The following ERCC6 variants were observed in gnomAD, a reference collection of about 807,000 sequenced individuals.
ERCC6 encodes DNA excision repair protein ERCC-6.
A neutral mutation model predicts 158.7 loss-of-function variants in ERCC6; 116 were observed. The ratio of observed to expected loss-of-function variants is 0.73; its 90% CI spans 0.63 to 0.85. The LOEUF is 0.85. ERCC6 is among the 40% of genes least tolerant of loss of function. The pLI, the probability that ERCC6 is intolerant of heterozygous loss-of-function variation, is 0.00. For missense variants in ERCC6, 1,698 were observed against 1,799.4 expected (o/e 0.94, Z 1.02); for synonymous variants, 678 against 659.3 (o/e 1.03, Z -0.43).
At chr10:49,495,845 C>T (rs1851258050) in intron 7 of ERCC6, among the ~76,000 whole-genome samples, 1 of 152,220 alleles carries the variant, frequency 6.6e-6, no homozygotes, top group South Asian at 2.1e-4. Context: ...CCACTCTCCT[C>T]TCTCATCTGG....
At chr10:49,515,744 G>A in intron 5 of ERCC6, 2 of 1,614,098 alleles carry the variant, frequency 1.2e-6, no homozygotes, top group South Asian at 2.2e-5. Flanking sequence ...CCATGAACTG[G>A]TTATACACTT....
chr10:49,454,311 AG>A (rs1192347015), downstream of ERCC6, among the ~76,000 whole-genome samples: 32 of 152,162 alleles, frequency 2.1e-4, 1 homozygote, highest in Admixed American at 1.8e-3. Context: ...GGAGGGGATA[AG>A]AAATGCTGGC....
intron 14 of ERCC6, 87 bp from the exon 15 acceptor site, chr10:49,473,115 A>T (rs1278090714): frequency 6.3e-7 from 1 of 1,578,902 alleles, no homozygotes; most frequent in Non-Finnish European, 8.7e-7. Context: ...GTACACATGG[A>T]ATTACTGGGC....
intron 7 of ERCC6, among the ~76,000 whole-genome samples, chr10:49,497,860 TCTG>T (rs1851292731): frequency 6.6e-6 from 1 of 152,176 alleles, no homozygotes; most frequent in African/African-American, 2.4e-5. Context: ...AGGATGGAAA[TCTG>T]CTAGTCATAC....
chr10:49,435,106 T>C, the ERCC6 span, among the ~76,000 whole-genome samples: 1 of 152,206 alleles, frequency 6.6e-6, no homozygotes, highest in South Asian at 2.1e-4. Context: ...TATCATGTGA[T>C]CATGGGAACA....
chr10:49,495,131 T>C (rs926678980), intron 7 of ERCC6, among the ~76,000 whole-genome samples: 4 of 152,192 alleles, frequency 2.6e-5, no homozygotes, highest in African/African-American at 2.4e-5. Context: ...TGAGCTTGTA[T>C]CTCCACAAGC....
intron 12 of ERCC6, 123 bp downstream of exon 12, chr10:49,476,092 C>G: frequency 1.3e-6 from 1 of 753,412 alleles, no homozygotes; most frequent in Non-Finnish European, 2.3e-6. Context: ...TGCGGGACTT[C>G]ATGCAAGTGA....
intron 20 of ERCC6, among the ~76,000 whole-genome samples, 160 bp from the exon 21 acceptor site, chr10:49,459,394 G>C (rs1005921759): frequency 2.0e-5 from 3 of 152,100 alleles, no homozygotes; most frequent in Admixed American, 2.0e-4. Flanking sequence ...GGGAAAGGAG[G>C]AGGGTCTGGT....
chr10:49,454,136 A>T (rs910713477), downstream of ERCC6, among the ~76,000 whole-genome samples: 16 of 151,318 alleles, frequency 1.1e-4, no homozygotes, highest in East Asian at 7.8e-4. Context: ...CTCATTTTTC[A>T]TTTTTTTTCT....
At chr10:49,464,436 A>G (rs1166389679) in intron 18 of ERCC6, among the ~76,000 whole-genome samples, 1 of 152,340 alleles carries the variant, frequency 6.6e-6, no homozygotes, top group Middle Eastern at 3.4e-3. Context: ...TTACAATGTG[A>G]TAGGAAAGAA....
the ERCC6 span, among the ~76,000 whole-genome samples, chr10:49,440,712 G>C: frequency 2.0e-5 from 3 of 152,188 alleles, no homozygotes; most frequent in Non-Finnish European, 4.4e-5. Flanking sequence ...GTCTAAAAGG[G>C]AGGTTTCAAA....
In ERCC6 at chr10:49,500,596, T is replaced by A; in HGVS notation, c.1627A>T (p.Ile543Phe). ...EMGLGKTIQIIAFLAGLSYSK... is the reference protein window; with the variant it reads ...EMGLGKTIQIFAFLAGLSYSK... ...TAGCTCAGACCTGCCAAGAAGGCAA[T>A]TATCTGGATGGTCTTGCCCAATCCC... Residue 543 changes from isoleucine to phenylalanine, a missense_variant, in exon 7 of 21, where the codon ATT becomes TTT. By Grantham distance (21) the Ile-to-Phe change is conservative. Transcript: ENST00000355832. 1 of 1,613,974 alleles carries A rather than the reference T, an allele frequency of 6.2e-7. No homozygotes were observed. Among genetic ancestry groups the A allele is most frequent in the East Asian group, 2.2e-5 (1 of 44,872 alleles).
chr10:49,452,058 T>G (rs1345621030), downstream of ERCC6, among the ~76,000 whole-genome samples: 1 of 152,136 alleles, frequency 6.6e-6, no homozygotes, highest in Non-Finnish European at 1.5e-5. Flanking sequence ...CTTTTCAAAT[T>G]ACCAGTTTCT....
chr10:49,450,921 C>A (rs1191985580), downstream of ERCC6, among the ~76,000 whole-genome samples: 1 of 151,972 alleles, frequency 6.6e-6, no homozygotes. Flanking sequence ...ATGCCATTCT[C>A]CTGCCTCAGC....
At chr10:49,467,512 A>C (rs1658595144) in intron 18 of ERCC6, among the ~76,000 whole-genome samples, 1 of 152,168 alleles carries the variant, frequency 6.6e-6, no homozygotes, top group Admixed American at 6.5e-5. Context: ...CCATCTACAT[A>C]TCTTTCTTGG....
chr10:49,441,615 C>T, the ERCC6 span, among the ~76,000 whole-genome samples: 5 of 152,144 alleles, frequency 3.3e-5, no homozygotes, highest in Non-Finnish European at 7.3e-5. Flanking sequence ...GTGCTGTCCC[C>T]CAGCCGCCGG....
At position 49,533,093 on chromosome 10, in the gene ERCC6, C is replaced by T. The variant is rs1443702784; in HGVS notation, c.-14-115G>A. 1.3e-5 allele frequency: 17 copies of T among 1,270,228 alleles called. No homozygotes were observed. In the Admixed American group the frequency reaches 3.9e-4, roughly 29 times the overall value. 78.7% of individuals were successfully genotyped at this position (1,270,228 alleles called of 1,614,324 possible). A position where few individuals can be genotyped will look rare whatever the true frequency, so the allele number is the denominator to read the frequency against. ...AAAAGATCAAGTAATAATCTTCCAACTACATAAATTCAAGTTTCCAAGTAT... is the reference window on the plus strand; with the variant it reads ...AAAAGATCAAGTAATAATCTTCCAATTACATAAATTCAAGTTTCCAAGTAT... On this transcript the variant is annotated intron_variant, in intron 1 of 20. Coordinates refer to ENST00000355832, the MANE Select transcript of ERCC6 (RefSeq NM_000124.4).
At chr10:49,473,372 C>T (rs1391700622) in intron 14 of ERCC6, 105 bp downstream of exon 14, 1 of 862,514 alleles carries the variant, frequency 1.2e-6, no homozygotes, top group African/African-American at 1.7e-5. Flanking sequence ...CCTCCCAAGC[C>T]CAGATGTCAA....
rs2132541723 is a variant in ERCC6 at position 49,474,045 on chromosome 10, C to G, written c.2580G>C (p.Leu860=). ...IWHKQGQRVL[L]FSQSRQMLDI... is the part of the protein sequence containing the mutation. ...CACTCACCTGCCTTGACTGAGAAAACAGCAATACTCGCTGACCCTGCTTGT... is the reference window on the plus strand; with the variant it reads ...CACTCACCTGCCTTGACTGAGAAAAGAGCAATACTCGCTGACCCTGCTTGT... Residue 860 remains leucine (L), a synonymous_variant, in exon 13 of 21, where the codon CTG becomes CTC. Coordinates refer to ENST00000355832, the MANE Select transcript of ERCC6 (RefSeq NM_000124.4). The G allele has an allele frequency of 6.2e-7, 1 of 1,614,062 alleles. No homozygotes were observed. The highest frequency in any genetic ancestry group is 8.5e-7 in the Non-Finnish European group (1 of 1,180,022).
Sources: allele counts gnomAD v4.1 joint callset (sites outside exome capture counted in the v4.1 genomes callset), GRCh38; gene constraint gnomAD v4.1.1; transcripts MANE v1.5; gene names NCBI Gene and HGNC (gene_info 2026-07-23, HGNC 2026-07-21).